UGT1A5: variants seen among roughly 807,000 people sequenced by gnomAD.
The protein encoded by UGT1A5 is UDP-glucuronosyltransferase 1A5.
A neutral mutation model predicts 40.3 loss-of-function variants in UGT1A5; 29 were observed. The ratio of observed to expected loss-of-function variants is 0.72; its 90% CI spans 0.54 to 0.98. The LOEUF (loss-of-function observed/expected upper bound fraction) is 0.98, where lower values mean the gene tolerates loss of function less well. UGT1A5 is among the 50% of genes least tolerant of loss of function. The probability of loss-of-function intolerance (pLI) is 0.00; values close to 1 mark genes in which losing one functional copy is unlikely to be tolerated. For synonymous variants in UGT1A5, 257 were observed against 262.5 expected (o/e 0.98, Z 0.20); for missense variants, 678 against 677.9 (o/e 1.00, Z 0.00).
chr2:233,719,182 CT>C, intron 1 of UGT1A5: 1 of 1,614,216 alleles, frequency 6.2e-7, no homozygotes, highest in Non-Finnish European at 8.5e-7. Context: ...AACAATGTAT[CT>C]TTGGCCCTTC....
intron 1 of UGT1A5, among the ~76,000 whole-genome samples, chr2:233,764,973 G>C (rs553153469): frequency 6.6e-6 from 1 of 152,178 alleles, no homozygotes; most frequent in African/African-American, 2.4e-5. Context: ...GGAGAAGGAT[G>C]GTCAGTGTCT....
In UGT1A5 at chr2:233,767,158, C is replaced by T; in HGVS notation, c.992C>T (p.Pro331Leu). ...MAIADALGKI[P>L]QTVLWRYTGT... Reference sequence around the variant, plus strand: ...ATTGCTGATGCTTTGGGCAAAATCCCTCAGACAGTAAGAAGATTCTATACC... The same window carrying T: ...ATTGCTGATGCTTTGGGCAAAATCCTTCAGACAGTAAGAAGATTCTATACC... Residue 331 changes from proline to leucine, a missense_variant, in exon 2 of 5, where the codon CCT (proline) becomes CTT (leucine). Transcript: ENST00000373414. The T allele has an allele frequency of 6.2e-7, 1 of 1,614,062 alleles. No individual in the cohort carries two copies. Among genetic ancestry groups the T allele is most frequent in the Non-Finnish European group, 8.5e-7 (1 of 1,179,998 alleles).
In UGT1A5 at chr2:233,751,441, T is replaced by C. The variant is rs573707863; in HGVS notation, c.868-15593T>C. Among the ~76,000 whole-genome samples the C allele has an allele frequency of 5.9e-5, 9 of 152,232 alleles. No homozygotes were observed. In the East Asian group the frequency reaches 7.7e-4, roughly 13 times the overall value. On this transcript the variant is annotated intron_variant, in intron 1 of 4. Transcript: ENST00000373414. Reference sequence around the variant, plus strand: ...GCTAGTGCTGAAATGAGTTAAGACTTTGGAAGATTGTTGGGAAGGCACGAT... The same window carrying C: ...GCTAGTGCTGAAATGAGTTAAGACTCTGGAAGATTGTTGGGAAGGCACGAT...
intron 1 of UGT1A5, among the ~76,000 whole-genome samples, chr2:233,724,910 T>C (rs1266541545): frequency 3.6e-5 from 5 of 139,534 alleles, no homozygotes; most frequent in Admixed American, 2.1e-4. Flanking sequence ...CTGGGCACCA[T>C]TGAGCACTGA....
rs191241107 is a variant in UGT1A5, at chr2:233,721,753, T to C, written c.867+7895T>C. The C allele has an allele frequency of 4.9e-4, 222 of 457,372 alleles. 1 individual carries two copies. The highest frequency in any genetic ancestry group is 3.1e-3 in the Admixed American group (134 of 43,562). The allele number at this position is 457,372 out of a possible 1,614,324, so 28.3% of individuals were successfully genotyped here. A position where few individuals can be genotyped will look rare whatever the true frequency, so the allele number is the denominator to read the frequency against. ...AAGCTTAATGATGAGAGAATCTACATCTAAATTGTTATATTTAGCATTATT... is the reference window on the plus strand; with the variant it reads ...AAGCTTAATGATGAGAGAATCTACACCTAAATTGTTATATTTAGCATTATT... On this transcript the variant is annotated intron_variant, in intron 1 of 4. Transcript: ENST00000373414.
chr2:233,758,584 G>A (rs1696918443), intron 1 of UGT1A5, among the ~76,000 whole-genome samples: 1 of 152,180 alleles, frequency 6.6e-6, no homozygotes. Context: ...AAGAGTGTTT[G>A]GGTGTGGGGA....
rs34993780 is a variant in UGT1A5 at position 233,772,413 on chromosome 2, T to C, written c.1459T>C (p.Tyr487His). 6.2e-7 allele frequency: 1 copy of C among 1,614,064 alleles called. No homozygotes were observed. The highest frequency in any genetic ancestry group is 8.5e-7 in the Non-Finnish European group (1 of 1,180,038). The change falls in exon 5 of 5, where the codon TAC becomes CAC. Residue 487 changes from tyrosine (Y) to histidine (H), a missense_variant. By Grantham distance (83) the Tyr-to-His change is moderately conservative (BLOSUM62 2). Coordinates refer to ENST00000373414, the MANE Select transcript of UGT1A5 (RefSeq NM_019078.2). ...AGCCCACGACCTCACCTGGTACCAG[T>C]ACCATTCCTTGGACGTGATTGGTTT... The part of the protein sequence containing the change: ...PAAHDLTWYQ[Y>H]HSLDVIGFLL...
At chr2:233,756,093 T>C (rs1696120614) in intron 1 of UGT1A5, 1 of 152,228 alleles carries the variant, frequency 6.6e-6, no homozygotes, top group Admixed American at 6.5e-5. Flanking sequence ...TCAAGTAACA[T>C]TATTACGGAA....
chr2:233,723,516 CTTTTTT>C (rs1162916866), intron 1 of UGT1A5, among the ~76,000 whole-genome samples: 5 of 85,406 alleles, frequency 5.9e-5, no homozygotes, highest in African/African-American at 2.4e-4. Context: ...GGTCAACAAT[CTTTTTT>C]TTTTTTTTTT....
intron 1 of UGT1A5, among the ~76,000 whole-genome samples, chr2:233,762,607 TTTG>T (rs1336079545): frequency 6.6e-6 from 1 of 152,220 alleles, no homozygotes; most frequent in Non-Finnish European, 1.5e-5. Flanking sequence ...TTCCAGGAGT[TTTG>T]TTGTTGTGAC....
At chr2:233,770,514 C>G (rs191930447) in intron 4 of UGT1A5, 1 of 152,018 alleles carries the variant, frequency 6.6e-6, no homozygotes, top group Non-Finnish European at 1.5e-5. Flanking sequence ...AAAAATTACC[C>G]AGGCATGGTG....
At chr2:233,728,231 G>A (rs1452925850) in intron 1 of UGT1A5, among the ~76,000 whole-genome samples, 2 of 152,110 alleles carry the variant, frequency 1.3e-5, no homozygotes, top group Admixed American at 6.5e-5. Context: ...TAATCTTCAG[G>A]ATGAAATAAA....
Position 233,719,177 on chromosome 2 carries a change from T to C in UGT1A5, c.867+5319T>C, listed in dbSNP as rs779768748. Reference sequence around the variant, plus strand: ...CTAGAAGTATGGCAATTATGAACAATGTATCTTTGGCCCTTCATAGGTGTT... The same window carrying C: ...CTAGAAGTATGGCAATTATGAACAACGTATCTTTGGCCCTTCATAGGTGTT... On this transcript the variant is annotated intron_variant, in intron 1 of 4. Transcript: ENST00000373414. The C allele has an allele frequency of 1.1e-5, 17 of 1,614,142 alleles. No homozygotes were observed. In the East Asian group the frequency reaches 3.6e-4, roughly 34 times the overall value.
At chr2:233,765,294 GAC>G (rs1698796099) in intron 1 of UGT1A5, among the ~76,000 whole-genome samples, 1 of 152,132 alleles carries the variant, frequency 6.6e-6, no homozygotes, top group Non-Finnish European at 1.5e-5. Flanking sequence ...CTACTATAAA[GAC>G]ACATGCACAT....
intron 1 of UGT1A5, among the ~76,000 whole-genome samples, chr2:233,734,247 T>A (rs1242167028): frequency 6.6e-6 from 1 of 152,226 alleles, no homozygotes; most frequent in Non-Finnish European, 1.5e-5. Flanking sequence ...CCTGCTTTAG[T>A]CTTGGGAGGG....
intron 1 of UGT1A5, chr2:233,729,592 C>G (rs1253832448): frequency 6.2e-7 from 1 of 1,613,966 alleles, no homozygotes; most frequent in African/African-American, 1.3e-5. Context: ...CCCCGTTAAC[C>G]TCTGCGCGGC....
At chr2:233,720,329 A>G (rs2076851533) in intron 1 of UGT1A5, among the ~76,000 whole-genome samples, 1 of 152,074 alleles carries the variant, frequency 6.6e-6, no homozygotes, top group Admixed American at 6.5e-5. Flanking sequence ...GACATCGTAG[A>G]GTTTGGAAGG....
rs149856651 is a variant in UGT1A5 at position 233,729,965 on chromosome 2, A to G, written c.867+16107A>G. 8 of 1,613,950 alleles carry G rather than the reference A, an allele frequency of 5.0e-6. No individual in the cohort carries two copies. In the African/African-American group the frequency reaches 9.3e-5, roughly 19 times the overall value. Reference sequence around the variant, plus strand: ...AACATGGTCTTCATTGGGGGCATCAACTGTGCCAACAGGAAGCCACTATCT... The same window carrying G: ...AACATGGTCTTCATTGGGGGCATCAGCTGTGCCAACAGGAAGCCACTATCT... On this transcript the variant is annotated intron_variant, in intron 1 of 4. Coordinates refer to ENST00000373414, the MANE Select transcript of UGT1A5 (RefSeq NM_019078.2).
intron 1 of UGT1A5, chr2:233,755,273 G>GGA: frequency 1.3e-6 from 1 of 755,874 alleles, no homozygotes. Flanking sequence ...CCACTATGCT[G>GGA]GACTGCCAAA....
Sources: allele counts gnomAD v4.1 joint callset (sites outside exome capture counted in the v4.1 genomes callset), GRCh38; gene constraint gnomAD v4.1.1; transcripts MANE v1.5; gene names NCBI Gene and HGNC (gene_info 2026-07-23, HGNC 2026-07-21).